CNTN5: variants seen among roughly 807,000 people sequenced by gnomAD.
CNTN5 encodes contactin 5, also known as contactin-5.
In CNTN5, 77 loss-of-function variants were observed where a neutral mutation model predicts 129.1. The ratio of observed to expected loss-of-function variants is 0.60; its 90% CI spans 0.50 to 0.72. The LOEUF is 0.72. Among genes scored for constraint, CNTN5 ranks in the 30% least tolerant of loss-of-function variants. CNTN5 has a pLI of 0.00. For synonymous variants in CNTN5, 509 were observed against 465.6 expected (o/e 1.09, Z -1.20); for missense variants, 1,478 against 1,328.8 (o/e 1.11, Z -1.75).
At chr11:99,135,662 T>A (rs752512749) in intron 1 of CNTN5, among the ~76,000 whole-genome samples, 9 of 152,204 alleles carry the variant, frequency 5.9e-5, no homozygotes, top group Non-Finnish European at 1.2e-4. Flanking sequence ...ACATACAATT[T>A]CATGTATTTC....
chr11:99,576,820 G>A (rs920358936), intron 3 of CNTN5, among the ~76,000 whole-genome samples: 4 of 151,972 alleles, frequency 2.6e-5, no homozygotes, highest in African/African-American at 9.7e-5. Flanking sequence ...CTTTTATAAG[G>A]GTACTAATCC....
intron 16 of CNTN5, among the ~76,000 whole-genome samples, chr11:100,247,798 A>AT (rs1419446451): frequency 3.2e-5 from 3 of 94,750 alleles, no homozygotes; most frequent in Admixed American, 1.4e-4. Context: ...TTTTATTGAA[A>AT]TATTTTTTCA....
rs527288234 is a variant in CNTN5, at chr11:99,665,386, CAT to C, written c.55+109118_55+109119del. Among the ~76,000 whole-genome samples, 337 of 149,574 alleles carry C rather than the reference CAT, an allele frequency of 2.3e-3. 1 individual carries two copies. The highest frequency in any genetic ancestry group is 4.1e-3 in the Non-Finnish European group (278 of 67,666). On this transcript the variant is annotated intron_variant, in intron 3 of 24. Transcript: ENST00000524871. ...AACGTAACCAGAGAGCAAGGCAAGACATGTGAAAAAAATACACATTAATGATA... is the reference window on the plus strand; with the variant it reads ...AACGTAACCAGAGAGCAAGGCAAGACGTGAAAAAAATACACATTAATGATA...
chr11:99,043,280 C>A, intron 1 of CNTN5, among the ~76,000 whole-genome samples: 1 of 120,410 alleles, frequency 8.3e-6, no homozygotes, highest in Non-Finnish European at 1.7e-5. Flanking sequence ...GCTATCCCTC[C>A]CCCCTCCCCC....
chr11:100,043,353 T>C (rs547888000), intron 9 of CNTN5, among the ~76,000 whole-genome samples: 40 of 152,310 alleles, frequency 2.6e-4, no homozygotes, highest in Non-Finnish European at 1.6e-4. Flanking sequence ...TTTGGAAGTC[T>C]TTCCAAACAA....
chr11:99,966,560 C>T (rs1234969050), intron 8 of CNTN5, among the ~76,000 whole-genome samples: 3 of 152,184 alleles, frequency 2.0e-5, no homozygotes, highest in Admixed American at 6.5e-5. Context: ...TAGCACTTAA[C>T]TCTCTTGTTC....
intron 21 of CNTN5, among the ~76,000 whole-genome samples, chr11:100,327,073 T>C (rs150181159): frequency 0.011 from 1,675 of 152,296 alleles, 27 homozygotes; most frequent in African/African-American, 0.039. Context: ...AAAAGGAAGT[T>C]TTTAACAAAA....
chr11:100,167,319 T>A (rs1466224186), intron 13 of CNTN5, among the ~76,000 whole-genome samples: 1 of 151,902 alleles, frequency 6.6e-6, no homozygotes, highest in Non-Finnish European at 1.5e-5. Context: ...TTATTTAAGC[T>A]TAATTTCAAT....
In CNTN5 at chr11:99,710,636, A is replaced by G. The variant is rs529538568; in HGVS notation, c.56-108908A>G. On this transcript the variant is annotated intron_variant, in intron 3 of 24. Coordinates refer to ENST00000524871, the MANE Select transcript of CNTN5 (RefSeq NM_014361.4). ...ATGTATGTTTGAGTAATAAAGGTCC[A>G]CATCCCAAATCTGACATTTTTTTTT... is the stretch of plus-strand genomic sequence containing the variant. Among the ~76,000 whole-genome samples the G allele has an allele frequency of 1.6e-4, 24 of 151,016 alleles. No homozygotes were observed. In the South Asian group the frequency reaches 4.6e-3, roughly 29 times the overall value.
At position 99,203,232 on chromosome 11, in the gene CNTN5, G is replaced by A. The variant is rs144714580; in HGVS notation, c.-209-122114G>A. 6.7e-3 allele frequency among the ~76,000 whole-genome samples: 1,021 copies of A among 152,262 alleles called. 10 individuals are homozygous for A. Among genetic ancestry groups the A allele is most frequent in the Non-Finnish European group, 0.011 (727 of 68,016 alleles). On this transcript the variant is annotated intron_variant, in intron 1 of 24. Coordinates refer to ENST00000524871, the MANE Select transcript of CNTN5 (RefSeq NM_014361.4). ...CACAGAGACCCATTGGAGAGACCGT[G>A]CCTGCTTATGCAATCATGTTGGTAT...
At chr11:99,952,500 CTT>C in intron 7 of CNTN5, among the ~76,000 whole-genome samples, 1 of 152,004 alleles carries the variant, frequency 6.6e-6, no homozygotes, top group Non-Finnish European at 1.5e-5. Flanking sequence ...AAATGCAAAA[CTT>C]GAACTATTTA....
At chr11:99,321,717 G>C (rs1365745395) in intron 1 of CNTN5, among the ~76,000 whole-genome samples, 4 of 152,128 alleles carry the variant, frequency 2.6e-5, no homozygotes, top group Non-Finnish European at 5.9e-5. Context: ...TTGATTGATT[G>C]AGTAGAATCA....
chr11:99,338,931 T>TATATATATATATATATATCTGTG (rs1555115002), intron 2 of CNTN5, among the ~76,000 whole-genome samples: 18 of 130,864 alleles, frequency 1.4e-4, no homozygotes, highest in African/African-American at 4.6e-4. Context: ...TATATATATA[T>TATATATATATATATATATCTGTG]ATATATATAT....
chr11:99,180,042 C>T (rs952344088), intron 1 of CNTN5, among the ~76,000 whole-genome samples: 1 of 151,992 alleles, frequency 6.6e-6, no homozygotes, highest in African/African-American at 2.4e-5. Flanking sequence ...ATGTTTTCGA[C>T]CTAGTAAGTT....
Position 99,863,896 on chromosome 11 carries a change from G to A in CNTN5, c.577+18634G>A, listed in dbSNP as rs950027001. Among the ~76,000 whole-genome samples the A allele has an allele frequency of 2.0e-5, 3 of 152,118 alleles. No individual in the cohort carries two copies. The East Asian group carries it at 5.8e-4, about 29-fold the overall frequency. Reference sequence around the variant, plus strand: ...CAACAGATGGATAGTGGAATTTACAGTAATAAGTCAAGGGGGTATGAAGGT... The same window carrying A: ...CAACAGATGGATAGTGGAATTTACAATAATAAGTCAAGGGGGTATGAAGGT... On this transcript the variant is annotated intron_variant, in intron 6 of 24. Coordinates refer to ENST00000524871, the MANE Select transcript of CNTN5 (RefSeq NM_014361.4).
chr11:99,874,583 A>C (rs1948586508), intron 6 of CNTN5, among the ~76,000 whole-genome samples: 2 of 152,216 alleles, frequency 1.3e-5, no homozygotes, highest in Non-Finnish European at 2.9e-5. Context: ...GTGATATTCT[A>C]ATCTATCATT....
intron 13 of CNTN5, among the ~76,000 whole-genome samples, chr11:100,087,591 A>G (rs1944603764): frequency 6.6e-6 from 1 of 151,988 alleles, no homozygotes; most frequent in Admixed American, 6.6e-5. Flanking sequence ...TAACTATCCT[A>G]AATATACATT....
intron 9 of CNTN5, among the ~76,000 whole-genome samples, chr11:100,055,634 A>C (rs10894370): frequency 0.32 from 48,521 of 151,112 alleles, 8,220 homozygotes; most frequent in East Asian, 0.47. Context: ...TCCTGCTTCC[A>C]TTGCTGCTGT....
At chr11:99,503,523 T>G (rs188797386) in intron 2 of CNTN5, among the ~76,000 whole-genome samples, 50 of 152,354 alleles carry the variant, frequency 3.3e-4, no homozygotes, top group African/African-American at 1.2e-3. Flanking sequence ...TCTGCAATGC[T>G]GTGAGTGTGA....
Sources: gnomAD v4.1 joint callset for allele counts (sites outside exome capture counted in the v4.1 genomes callset) on GRCh38, gnomAD v4.1.1 for gene constraint, MANE v1.5 for transcripts, NCBI Gene and HGNC (gene_info 2026-07-23, HGNC 2026-07-21) for gene names.